MME: variants seen among roughly 807,000 people sequenced by gnomAD.
The protein encoded by MME is membrane metalloendopeptidase.
A neutral mutation model predicts 113.2 loss-of-function variants in MME; 98 were observed. The ratio of observed to expected loss-of-function variants is 0.87; its 90% CI spans 0.74 to 1.02. MME has a LOEUF of 1.02. Among genes scored for constraint, MME ranks in the 50% least tolerant of loss-of-function variants. The pLI is 0.00. For missense variants in MME, 836 were observed against 896.0 expected (o/e 0.93, Z 0.86); for synonymous variants, 292 against 300.6 (o/e 0.97, Z 0.30).
chr3:155,057,805 C>T (rs1713989175), intron 1 of MME, among the ~76,000 whole-genome samples: 1 of 151,676 alleles, frequency 6.6e-6, no homozygotes, highest in Non-Finnish European at 1.5e-5. Context: ...TCTCCCCATA[C>T]TGCTTACAGG....
intron 3 of MME, among the ~76,000 whole-genome samples, chr3:155,088,909 A>T (rs1716031059): frequency 2.0e-5 from 3 of 152,176 alleles, no homozygotes; most frequent in Admixed American, 2.0e-4. Context: ...AGGGAATGTC[A>T]TAGCAAATGT....
At chr3:155,153,770 A>G (rs374372221) in intron 16 of MME, among the ~76,000 whole-genome samples, 84 of 152,314 alleles carry the variant, frequency 5.5e-4, no homozygotes, top group African/African-American at 1.9e-3. Flanking sequence ...ATGAAAGCAT[A>G]CTGACATTGA....
chr3:155,110,152 G>A (rs935207962), intron 3 of MME, among the ~76,000 whole-genome samples: 4 of 152,206 alleles, frequency 2.6e-5, no homozygotes, highest in African/African-American at 9.7e-5. Flanking sequence ...GAGTAAAAGG[G>A]TACTTGAAAA....
At chr3:155,025,874 T>A (rs1045351104) in intron 1 of MME, among the ~76,000 whole-genome samples, 2 of 151,218 alleles carry the variant, frequency 1.3e-5, no homozygotes, top group Non-Finnish European at 3.0e-5. Context: ...TTTATATTTT[T>A]AGTAGAGATG....
At chr3:155,174,277 G>C (rs1712282352) in intron 22 of MME, among the ~76,000 whole-genome samples, 1 of 148,352 alleles carries the variant, frequency 6.7e-6, no homozygotes, top group South Asian at 2.1e-4. Context: ...TTGTTGTTCT[G>C]GTTCCAAAGA....
intron 17 of MME, among the ~76,000 whole-genome samples, chr3:155,165,632 T>C: frequency 6.6e-6 from 1 of 152,102 alleles, no homozygotes; most frequent in Non-Finnish European, 1.5e-5. Context: ...TTAGAATAGA[T>C]TGTAGTTGTG....
rs1276757857 is a variant in MME at position 155,181,842 on chromosome 3, A to G, written c.*1383A>G. 1 of 152,184 alleles carries G rather than the reference A, an allele frequency of 6.6e-6. No individual in the cohort carries two copies. Among genetic ancestry groups the G allele is most frequent in the Non-Finnish European group, 1.5e-5 (1 of 68,014 alleles). The allele number at this position is 152,184 out of a possible 1,614,324, so 9.4% of individuals were successfully genotyped here. On this transcript the variant is annotated 3_prime_UTR_variant, in exon 23 of 23. Coordinates refer to ENST00000360490, the MANE Select transcript of MME (RefSeq NM_007289.4). ...TCCAAAATTCTTATTTTTCCTAACA[A>G]AAGATGAAAGCAGGGAATTTCTATC...
intron 22 of MME, among the ~76,000 whole-genome samples, chr3:155,178,408 A>G (rs1221681338): frequency 6.6e-6 from 1 of 152,156 alleles, no homozygotes; most frequent in Non-Finnish European, 1.5e-5. Flanking sequence ...AAGGGAAAGA[A>G]AATGCTTTCT....
intron 7 of MME, 70 bp downstream of exon 7, chr3:155,117,056 A>G (rs1256089146): frequency 2.2e-6 from 2 of 894,750 alleles, no homozygotes; most frequent in Non-Finnish European, 3.8e-6. Flanking sequence ...CATTGTTGTT[A>G]TTGATATTTA....
chr3:155,087,271 T>C (rs1019212940), intron 3 of MME, among the ~76,000 whole-genome samples: 3 of 150,146 alleles, frequency 2.0e-5, no homozygotes, highest in African/African-American at 7.4e-5. Flanking sequence ...TTTTGTATCG[T>C]TTTTTGATGG....
intron 1 of MME, among the ~76,000 whole-genome samples, chr3:155,049,675 A>ATC (rs1713691252): frequency 6.7e-6 from 1 of 149,426 alleles, no homozygotes; most frequent in Non-Finnish European, 1.5e-5. Context: ...ATCTATCTAT[A>ATC]TATAGAGAGA....
At chr3:155,089,783 G>T in intron 3 of MME, 1 of 427,416 alleles carries the variant, frequency 2.3e-6, no homozygotes, top group East Asian at 7.2e-5. Flanking sequence ...TTGAAGACCA[G>T]CCTGGCCTAC....
In MME at chr3:155,157,470, C is replaced by T. The variant is rs148234252; in HGVS notation, c.1602-2920C>T. Among the ~76,000 whole-genome samples, 894 of 152,228 alleles carry T rather than the reference C, an allele frequency of 5.9e-3. 4 individuals are homozygous for T. Among genetic ancestry groups the T allele is most frequent in the African/African-American group, 0.02 (850 of 41,558 alleles). On this transcript the variant is annotated intron_variant, in intron 16 of 22. Transcript: ENST00000360490. ...TTCACTTTCTCTTTGTGAATTTTCT[C>T]TTCTCTGTGCTGCCAGTCAGCATCA...
chr3:155,103,361 T>C (rs1375914017), intron 3 of MME, among the ~76,000 whole-genome samples: 1 of 146,668 alleles, frequency 6.8e-6, no homozygotes, highest in African/African-American at 2.5e-5. Flanking sequence ...GGAAACGTTT[T>C]CAGTCTAGCT....
chr3:155,085,195 T>C (rs1173325584), intron 3 of MME, 101 bp downstream of exon 3: 1 of 736,922 alleles, frequency 1.4e-6, no homozygotes. Flanking sequence ...TTATTCATTG[T>C]AGATCAATTA....
intron 5 of MME, 29 bp from the exon 6 acceptor site, chr3:155,116,635 A>T: frequency 6.3e-7 from 1 of 1,579,966 alleles, no homozygotes; most frequent in Non-Finnish European, 8.7e-7. Flanking sequence ...TAGATTTCTA[A>T]TTGAATTTAT....
intron 1 of MME, among the ~76,000 whole-genome samples, chr3:155,082,209 G>A (rs919673131): frequency 3.9e-5 from 6 of 152,078 alleles, no homozygotes; most frequent in Non-Finnish European, 4.4e-5. Flanking sequence ...TCACCCCTTC[G>A]CTTTACTTTA....
At chr3:155,174,157 C>T (rs945301472) in intron 22 of MME, among the ~76,000 whole-genome samples, 1 of 152,016 alleles carries the variant, frequency 6.6e-6, no homozygotes, top group African/African-American at 2.4e-5. Context: ...AACTGATCAG[C>T]AGTTAAGTAA....
At chr3:155,053,315 C>T (rs142681782) in intron 1 of MME, among the ~76,000 whole-genome samples, 2,001 of 152,266 alleles carry the variant, frequency 0.013, 43 homozygotes, top group African/African-American at 0.046. Flanking sequence ...ATACTCAAGA[C>T]TGGGTAATTT....
Sources: gnomAD v4.1 joint callset for allele counts (sites outside exome capture counted in the v4.1 genomes callset) on GRCh38, gnomAD v4.1.1 for gene constraint, MANE v1.5 for transcripts, NCBI Gene and HGNC (gene_info 2026-07-23, HGNC 2026-07-21) for gene names.